Variants in DACH2 observed in about 807,000 individuals in gnomAD.
DACH2 encodes the protein dachshund family transcription factor 2.
A neutral mutation model predicts 35.8 loss-of-function variants in DACH2; 17 were observed. That is an observed-to-expected ratio of 0.48 (90% CI 0.33 to 0.71). The LOEUF (loss-of-function observed/expected upper bound fraction) is 0.71. DACH2 is among the 30% of genes least tolerant of loss of function. DACH2 has a pLI of 0.02. For synonymous variants in DACH2, 195 were observed against 177.3 expected (o/e 1.10, Z -0.79); for missense variants, 469 against 472.7 (o/e 0.99, Z 0.07).
chrX:86,629,347 G>T (rs757782881), intron 3 of DACH2, among the ~76,000 whole-genome samples: 2 of 111,123 alleles, frequency 1.8e-5, no homozygotes, highest in South Asian at 7.6e-4. Flanking sequence ...TAGTCCTGTG[G>T]CAAGTCAGGG....
chrX:86,694,813 A>G (rs1386915611), intron 4 of DACH2, among the ~76,000 whole-genome samples: 1 of 111,825 alleles, frequency 8.9e-6, no homozygotes, highest in Non-Finnish European at 1.9e-5. Context: ...TGCCTATACT[A>G]TTATTGAGAA....
intron 7 of DACH2, among the ~76,000 whole-genome samples, chrX:86,749,568 A>G (rs758398579): frequency 2.1e-3 from 237 of 111,354 alleles, no homozygotes; most frequent in Non-Finnish European, 2.8e-3. Context: ...GGAGCAGTGC[A>G]TGGAGTCCCA....
At chrX:86,737,914 C>G (rs1192584759) in intron 6 of DACH2, among the ~76,000 whole-genome samples, 6 of 111,146 alleles carry the variant, frequency 5.4e-5, no homozygotes, top group East Asian at 5.7e-4. Context: ...CTCTCTCCCT[C>G]TCTACCCCCT....
chrX:86,786,529 G>A (rs1172008845), intron 7 of DACH2, among the ~76,000 whole-genome samples: 1 of 111,996 alleles, frequency 8.9e-6, no homozygotes, highest in African/African-American at 3.2e-5. Flanking sequence ...AAATTGGTCT[G>A]ATGAAAATTC....
intron 7 of DACH2, among the ~76,000 whole-genome samples, chrX:86,770,782 A>G (rs914212576): frequency 1.8e-5 from 2 of 112,406 alleles, no homozygotes; most frequent in Admixed American, 1.9e-4. Context: ...AAGATACAGA[A>G]CATTCCTTGA....
intron 3 of DACH2, among the ~76,000 whole-genome samples, chrX:86,531,469 G>C (rs2038719354): frequency 8.9e-6 from 1 of 111,951 alleles, no homozygotes. Context: ...TCCAGTTCCA[G>C]CCATGGCTAA....
chrX:86,257,193 G>T (rs1375662775), intron 1 of DACH2, among the ~76,000 whole-genome samples: 1 of 111,190 alleles, frequency 9.0e-6, no homozygotes, highest in Admixed American at 9.6e-5. Context: ...ATTTTTAGGT[G>T]TTGTTAGTAT....
At chrX:86,279,254 A>C (rs1245949329) in intron 1 of DACH2, among the ~76,000 whole-genome samples, 2 of 111,236 alleles carry the variant, frequency 1.8e-5, no homozygotes, top group African/African-American at 6.5e-5. Flanking sequence ...ACAGGGAGAC[A>C]CCTCCCAGCA....
chrX:86,726,836 T>A (rs902411221), intron 6 of DACH2, among the ~76,000 whole-genome samples: 18 of 111,859 alleles, frequency 1.6e-4, no homozygotes, highest in Non-Finnish European at 9.4e-5. Context: ...GTCCAGGAGC[T>A]TTTCTTGGTC....
intron 1 of DACH2, among the ~76,000 whole-genome samples, chrX:86,190,683 G>A (rs962842282): frequency 3.6e-5 from 4 of 112,086 alleles, no homozygotes; most frequent in African/African-American, 6.5e-5. Context: ...GGTGGCTCAC[G>A]CCTGTAATCC....
intron 3 of DACH2, among the ~76,000 whole-genome samples, chrX:86,549,876 A>C (rs1169094495): frequency 1.8e-5 from 2 of 110,775 alleles, no homozygotes; most frequent in African/African-American, 6.6e-5. Flanking sequence ...ATTAACTAAA[A>C]ATTATTATTA....
intron 7 of DACH2, among the ~76,000 whole-genome samples, chrX:86,781,240 C>A (rs11795953): frequency 0.24 from 26,778 of 110,698 alleles, 3,129 homozygotes; most frequent in Middle Eastern, 0.38. Flanking sequence ...GACTCTCACT[C>A]AGGGCGATCT....
intron 4 of DACH2, among the ~76,000 whole-genome samples, chrX:86,668,511 C>G (rs148743944): frequency 8.9e-6 from 1 of 111,904 alleles, no homozygotes; most frequent in African/African-American, 3.2e-5. Context: ...CTTCTTACAG[C>G]AGCATTAATG....
intron 3 of DACH2, among the ~76,000 whole-genome samples, chrX:86,530,395 T>C (rs957624783): frequency 8.1e-5 from 9 of 111,770 alleles, no homozygotes; most frequent in Non-Finnish European, 1.3e-4. Context: ...TGGTAGGAGA[T>C]GATTGGATCA....
intron 1 of DACH2, among the ~76,000 whole-genome samples, chrX:86,313,079 T>C (rs1335127199): frequency 9.0e-6 from 1 of 111,412 alleles, no homozygotes; most frequent in Non-Finnish European, 1.9e-5. Flanking sequence ...TATCATAACA[T>C]TGAAATAAGC....
chrX:86,803,923 T>C (rs1386571157), intron 7 of DACH2, among the ~76,000 whole-genome samples: 1 of 111,586 alleles, frequency 9.0e-6, no homozygotes, highest in Non-Finnish European at 1.9e-5. Context: ...GAGCAAATCA[T>C]ACAGGTGGCA....
intron 4 of DACH2, among the ~76,000 whole-genome samples, chrX:86,687,603 C>T (rs1213335407): frequency 9.0e-6 from 1 of 111,180 alleles, no homozygotes; most frequent in Non-Finnish European, 1.9e-5. Flanking sequence ...GTATGTTTAT[C>T]GTGGCACTAT....
intron 1 of DACH2, among the ~76,000 whole-genome samples, chrX:86,245,902 A>G (rs2033272003): frequency 8.9e-6 from 1 of 111,885 alleles, no homozygotes; most frequent in Non-Finnish European, 1.9e-5. Flanking sequence ...TGAAAGTTGA[A>G]ACCCAATCCA....
chrX:86,401,356 G>A (rs1434767144), intron 2 of DACH2, among the ~76,000 whole-genome samples: 1 of 111,861 alleles, frequency 8.9e-6, no homozygotes, highest in Non-Finnish European at 1.9e-5. Context: ...CCCTGCTTCG[G>A]CTTATGCACG....
Sources: gnomAD v4.1 joint callset for allele counts (sites outside exome capture counted in the v4.1 genomes callset) on GRCh38, gnomAD v4.1.1 for gene constraint, MANE v1.5 for transcripts, NCBI Gene and HGNC (gene_info 2026-07-23, HGNC 2026-07-21) for gene names.